Variants in SMAD3 observed in about 807,000 individuals in gnomAD.
SMAD3 encodes the protein MAD homolog 3.
Under a neutral mutation model 51.8 loss-of-function variants are expected in SMAD3, and 12 were observed. The ratio of observed to expected loss-of-function variants is 0.23; its 90% CI spans 0.15 to 0.38. The LOEUF (loss-of-function observed/expected upper bound fraction) is 0.38, where lower values mean the gene tolerates loss of function less well. Among genes scored for constraint, SMAD3 ranks in the 10% least tolerant of loss-of-function variants. SMAD3 has a pLI of 1.00. For missense variants in SMAD3, 294 were observed against 565.6 expected, an observed-to-expected ratio of 0.52 and a Z score of 4.87; for synonymous variants, 238 against 227.7, an observed-to-expected ratio of 1.05 and a Z score of -0.41.
At chr15:67,083,981 G>A (rs761263753) in intron 1 of SMAD3, among the ~76,000 whole-genome samples, 1 of 151,946 alleles carries the variant, frequency 6.6e-6, no homozygotes, top group African/African-American at 2.4e-5. Context: ...TGACTTCCTG[G>A]GTGTTGGTCT....
chr15:67,142,259 T>A (rs1490752610), intron 1 of SMAD3, among the ~76,000 whole-genome samples: 1 of 151,462 alleles, frequency 6.6e-6, no homozygotes, highest in South Asian at 2.1e-4. Flanking sequence ...CTAGGTTTTT[T>A]TTTTCCCCCG....
chr15:67,075,051 A>G (rs1427652921), intron 1 of SMAD3, among the ~76,000 whole-genome samples: 1 of 151,660 alleles, frequency 6.6e-6, no homozygotes, highest in African/African-American at 2.4e-5. Flanking sequence ...ATTTGAAAAT[A>G]GTAATGCTTT....
intron 1 of SMAD3, among the ~76,000 whole-genome samples, chr15:67,149,583 T>G (rs1962074238): frequency 6.6e-6 from 1 of 152,180 alleles, no homozygotes; most frequent in Non-Finnish European, 1.5e-5. Context: ...CTTGCTTGTG[T>G]GGAATTCCTG....
At chr15:67,159,639 C>A (rs1379423286) in intron 1 of SMAD3, among the ~76,000 whole-genome samples, 1 of 152,094 alleles carries the variant, frequency 6.6e-6, no homozygotes, top group African/African-American at 2.4e-5. Flanking sequence ...TCCAAGTGCA[C>A]CTTGGTAATT....
At chr15:67,081,555 A>G (rs78469283) in intron 1 of SMAD3, among the ~76,000 whole-genome samples, 3,635 of 152,242 alleles carry the variant, frequency 0.024, 149 homozygotes, top group African/African-American at 0.084. Context: ...AAGAGGGCTT[A>G]TTACTTCCAC....
At chr15:67,105,655 A>G (rs1960860648) in intron 1 of SMAD3, among the ~76,000 whole-genome samples, 1 of 152,222 alleles carries the variant, frequency 6.6e-6, no homozygotes, top group African/African-American at 2.4e-5. Context: ...TGGCACTTCC[A>G]GAAAAGGGAA....
At chr15:67,066,398 GC>G in intron 1 of SMAD3, 38 bp downstream of exon 1, 1 of 1,574,126 alleles carries the variant, frequency 6.4e-7, no homozygotes. Flanking sequence ...GGTCACGCCG[GC>G]CCAGCCCCCT....
rs564732694 is a variant in SMAD3, at chr15:67,162,949, A to G, written c.207-1946A>G. Reference sequence around the variant, plus strand: ...TTGTGTGTAATTGTAGGTTTCTGTGATGATGATGATGATGATGATGATGAT... The same window carrying G: ...TTGTGTGTAATTGTAGGTTTCTGTGGTGATGATGATGATGATGATGATGAT... On this transcript the variant is annotated intron_variant, in intron 1 of 8. Coordinates refer to ENST00000327367, the MANE Select transcript of SMAD3 (RefSeq NM_005902.4). Among the ~76,000 whole-genome samples the G allele has an allele frequency of 7.1e-3, 460 of 64,350 alleles. 5 individuals carry two copies. Among genetic ancestry groups the G allele is most frequent in the African/African-American group, 0.023 (440 of 19,164 alleles). 42.2% of individuals were successfully genotyped at this position (64,350 alleles called of 152,430 possible).
chr15:67,183,041 T>A (rs1389634543), intron 6 of SMAD3, among the ~76,000 whole-genome samples: 8 of 106,328 alleles, frequency 7.5e-5, no homozygotes, highest in African/African-American at 1.2e-4. Flanking sequence ...ATTTTTTTTT[T>A]TTTTTTTTTT....
chr15:67,155,299 G>C (rs888940965), intron 1 of SMAD3, among the ~76,000 whole-genome samples: 3 of 152,222 alleles, frequency 2.0e-5, no homozygotes, highest in Admixed American at 2.0e-4. Context: ...CAGAACAAAG[G>C]ATGCTTTGGA....
chr15:67,167,659 T>C (rs1433894036), intron 4 of SMAD3, among the ~76,000 whole-genome samples: 1 of 152,170 alleles, frequency 6.6e-6, no homozygotes, highest in Non-Finnish European at 1.5e-5. Context: ...ATGTGATGTG[T>C]GTGCTCCTGC....
At chr15:67,119,457 T>TG (rs1448985013) in intron 1 of SMAD3, among the ~76,000 whole-genome samples, 1 of 127,886 alleles carries the variant, frequency 7.8e-6, no homozygotes, top group Non-Finnish European at 1.6e-5. Flanking sequence ...ATGGCGGGGG[T>TG]GGGGGTGCCA....
chr15:67,138,268 G>A (rs1214809170), intron 1 of SMAD3: 3 of 593,702 alleles, frequency 5.1e-6, no homozygotes, highest in Non-Finnish European at 9.0e-6. Context: ...GAAACCCCCT[G>A]TGTGGGTGAA....
chr15:67,153,225 C>A lies in SMAD3; in HGVS notation c.207-11670C>A, dbSNP rs1394572763. On this transcript the variant is annotated intron_variant, in intron 1 of 8. Coordinates refer to ENST00000327367, the MANE Select transcript of SMAD3 (RefSeq NM_005902.4). Reference sequence around the variant, plus strand: ...GCTTCTGTTTGGCCAGGTGCAGTGGCTCACGCCTGTAATCCAAGCACTTTG... The same window carrying A: ...GCTTCTGTTTGGCCAGGTGCAGTGGATCACGCCTGTAATCCAAGCACTTTG... Among the ~76,000 whole-genome samples, 3 of 152,168 alleles carry A rather than the reference C, an allele frequency of 2.0e-5. No individual in the cohort carries two copies. The East Asian group carries it at 5.8e-4, about 29-fold the overall frequency.
At chr15:67,125,061 T>G (rs539050490) in intron 1 of SMAD3, among the ~76,000 whole-genome samples, 1 of 152,316 alleles carries the variant, frequency 6.6e-6, no homozygotes, top group East Asian at 1.9e-4. Context: ...GTCAGAGAGC[T>G]GGGTGGGTCG....
chr15:67,067,729 A>G (rs751674436), intron 1 of SMAD3, among the ~76,000 whole-genome samples: 2 of 152,144 alleles, frequency 1.3e-5, no homozygotes, highest in Non-Finnish European at 2.9e-5. Flanking sequence ...GGGTGGATCC[A>G]GTCAATAAAG....
chr15:67,136,860 G>T (rs1449766950), intron 1 of SMAD3, among the ~76,000 whole-genome samples: 2 of 152,228 alleles, frequency 1.3e-5, no homozygotes, highest in African/African-American at 4.8e-5. Context: ...TCCAGGTGGG[G>T]AGTGGTACCA....
intron 1 of SMAD3, chr15:67,099,084 C>T (rs1960690881): frequency 1.4e-6 from 1 of 691,722 alleles, no homozygotes; most frequent in Non-Finnish European, 2.7e-6. Flanking sequence ...CATGTGTCAG[C>T]CTTAGAGAAA....
intron 1 of SMAD3, among the ~76,000 whole-genome samples, chr15:67,138,958 C>T (rs563764560): frequency 1.3e-5 from 2 of 152,286 alleles, no homozygotes; most frequent in South Asian, 4.1e-4. Context: ...GATTCCCAGC[C>T]CACTTCAAAG....
Sources: gnomAD v4.1 joint callset for allele counts (sites outside exome capture counted in the v4.1 genomes callset) on GRCh38, gnomAD v4.1.1 for gene constraint, MANE v1.5 for transcripts, NCBI Gene and HGNC (gene_info 2026-07-23, HGNC 2026-07-21) for gene names.